Variants in MTREX observed in about 807,000 individuals in gnomAD.
MTREX encodes the protein Mtr4 exosome RNA helicase.
Under a neutral mutation model 135.4 loss-of-function variants are expected in MTREX, and 76 were observed. The ratio of observed to expected loss-of-function variants is 0.56; its 90% confidence interval spans 0.47 to 0.68. The LOEUF is 0.68. MTREX is among the 30% of genes least tolerant of loss of function. The pLI is 0.00. For synonymous variants in MTREX, 404 were observed against 401.6 expected, an observed-to-expected ratio of 1.01 and a Z score of -0.07; for missense variants, 920 against 1,262.1, an observed-to-expected ratio of 0.73 and a Z score of 4.11.
At chr5:55,408,682 G>A (rs1750842163) in intron 22 of MTREX, among the ~76,000 whole-genome samples, 2 of 152,006 alleles carry the variant, frequency 1.3e-5, no homozygotes, top group African/African-American at 2.4e-5. Context: ...CATCATCTTT[G>A]TAGTGTTTCT....
At chr5:55,382,180 A>C (rs528716406) in intron 18 of MTREX, among the ~76,000 whole-genome samples, 1 of 152,100 alleles carries the variant, frequency 6.6e-6, no homozygotes, top group South Asian at 2.1e-4. Flanking sequence ...TTGGATTTGC[A>C]GCTGCCATTT....
chr5:55,353,268 G>T lies in MTREX; in HGVS notation c.1532G>T (p.Trp511Leu). The T allele has an allele frequency of 6.3e-7, 1 of 1,592,024 alleles. No individual in the cohort carries two copies. Among genetic ancestry groups the T allele is most frequent in the South Asian group, 1.1e-5 (1 of 89,496 alleles). The change falls in exon 14 of 27, where the codon TGG becomes TTG. Residue 511 changes from tryptophan to leucine, a missense_variant and splice_region_variant. Physicochemically the swap from Trp to Leu is moderately conservative, Grantham distance 61. Around this residue, in one of 6 missense-constraint regions of MTREX, gnomAD observed 46 missense variants for 116.8 expected, o/e 0.39. Transcript: ENST00000230640. ...ARKFDGKDFR[W>L]ISSGEYIQMS... ...AAATTTGATGGGAAGGATTTCCGAT[G>T]GGTAAGTAAAGCAATTCATATATCA... is the stretch of plus-strand genomic sequence containing the variant.
intron 22 of MTREX, among the ~76,000 whole-genome samples, chr5:55,409,172 G>C (rs1750850579): frequency 6.6e-6 from 1 of 151,890 alleles, no homozygotes; most frequent in South Asian, 2.1e-4. Flanking sequence ...GGCTAGTCTT[G>C]AACTCCTGGG....
chr5:55,340,452 A>G (rs138076925), intron 6 of MTREX, among the ~76,000 whole-genome samples: 58 of 152,282 alleles, frequency 3.8e-4, no homozygotes, highest in African/African-American at 1.3e-3. Context: ...TGACATGAAA[A>G]TATTTTACTG....
chr5:55,327,569 T>C, intron 3 of MTREX, 147 bp from the exon 4 acceptor site: 1 of 597,566 alleles, frequency 1.7e-6, no homozygotes, highest in Non-Finnish European at 2.9e-6. Context: ...AAGACAGTTA[T>C]TTGATTTACA....
At chr5:55,352,984 A>G (rs891330889) in intron 13 of MTREX, among the ~76,000 whole-genome samples, 184 bp from the exon 14 acceptor site, 1 of 152,234 alleles carries the variant, frequency 6.6e-6, no homozygotes, top group African/African-American at 2.4e-5. Flanking sequence ...TACGAGAGAC[A>G]TTAAATGTTA....
intron 5 of MTREX, among the ~76,000 whole-genome samples, chr5:55,339,584 G>A (rs995478004): frequency 9.9e-5 from 15 of 152,126 alleles, no homozygotes; most frequent in African/African-American, 3.1e-4. Context: ...TGTTACATGT[G>A]GGAAAAGAAT....
chr5:55,420,225 A>T (rs1317802637), intron 25 of MTREX, among the ~76,000 whole-genome samples: 1 of 152,200 alleles, frequency 6.6e-6, no homozygotes, highest in African/African-American at 2.4e-5. Flanking sequence ...GGATAGGAGT[A>T]TTAAATTCGG....
At chr5:55,422,500 C>T (rs1751070409) in intron 25 of MTREX, among the ~76,000 whole-genome samples, 1 of 152,198 alleles carries the variant, frequency 6.6e-6, no homozygotes, top group Non-Finnish European at 1.5e-5. Context: ...GTTTGCCAGG[C>T]TTTTCTGCAT....
chr5:55,320,548 G>T (rs754768815), intron 1 of MTREX, among the ~76,000 whole-genome samples: 4 of 152,142 alleles, frequency 2.6e-5, no homozygotes, highest in Non-Finnish European at 2.9e-5. Context: ...ATAAAGAAAA[G>T]TGTGCAGATT....
At position 55,381,828 on chromosome 5, in the gene MTREX, A is replaced by G. The variant is rs115143952; in HGVS notation, c.2052+2633A>G. ...ACCATTCTGTCTGGTTGGTCTATCT[A>G]TTATTGAAAGTGGAGTATTGAAGTC... On this transcript the variant is annotated intron_variant, in intron 18 of 26. Coordinates refer to ENST00000230640, the MANE Select transcript of MTREX (RefSeq NM_015360.5). 3.6e-3 allele frequency among the ~76,000 whole-genome samples: 555 copies of G among 152,276 alleles called. 2 individuals are homozygous for G. Among genetic ancestry groups the G allele is most frequent in the African/African-American group, 0.012 (510 of 41,556 alleles).
intron 25 of MTREX, among the ~76,000 whole-genome samples, chr5:55,420,130 C>T (rs1213011677): frequency 6.6e-6 from 1 of 152,188 alleles, no homozygotes; most frequent in African/African-American, 2.4e-5. Flanking sequence ...ATAGTCTCTG[C>T]TCTCAAGAAA....
At chr5:55,318,945 A>G (rs2112027072) in intron 1 of MTREX, among the ~76,000 whole-genome samples, 1 of 152,312 alleles carries the variant, frequency 6.6e-6, no homozygotes, top group Admixed American at 6.5e-5. Context: ...TAGAGAAAAT[A>G]TATAAGAATG....
Position 55,425,136 on chromosome 5 carries a change from T to A in MTREX, c.*364T>A. On this transcript the variant is annotated 3_prime_UTR_variant, in exon 27 of 27. Coordinates refer to ENST00000230640, the MANE Select transcript of MTREX (RefSeq NM_015360.5). ...CTTGTACACCAGGAAGAAAGATGCATCCTCTTGCCTTGTGGCAATCATTTT... is the reference window on the plus strand; with the variant it reads ...CTTGTACACCAGGAAGAAAGATGCAACCTCTTGCCTTGTGGCAATCATTTT... 6.5e-7 allele frequency: 1 copy of A among 1,530,518 alleles called. No individual in the cohort carries two copies. The highest frequency in any genetic ancestry group is 8.8e-7 in the Non-Finnish European group (1 of 1,133,476). 94.8% of individuals were successfully genotyped at this position (1,530,518 alleles called of 1,614,324 possible). A position where few individuals can be genotyped will look rare whatever the true frequency, so the allele number is the denominator to read the frequency against.
At chr5:55,319,648 A>C (rs1749255421) in intron 1 of MTREX, among the ~76,000 whole-genome samples, 1 of 152,250 alleles carries the variant, frequency 6.6e-6, no homozygotes, top group Non-Finnish European at 1.5e-5. Context: ...ATCCTTAAAA[A>C]GTAAGCTGGT....
At chr5:55,416,275 T>A (rs1750964440) in intron 25 of MTREX, 143 bp downstream of exon 25, 4 of 531,250 alleles carry the variant, frequency 7.5e-6, no homozygotes, top group Admixed American at 8.4e-5. Flanking sequence ...GATTAAAAAA[T>A]ATTCTCCACA....
chr5:55,373,919 T>C (rs958581507), intron 16 of MTREX, among the ~76,000 whole-genome samples: 3 of 152,014 alleles, frequency 2.0e-5, no homozygotes, highest in Non-Finnish European at 2.9e-5. Context: ...CCCTCACATA[T>C]TGAGTCACAG....
At chr5:55,403,219 CAAAA>C (rs576509416) in intron 21 of MTREX, among the ~76,000 whole-genome samples, 3 of 150,134 alleles carry the variant, frequency 2.0e-5, no homozygotes, top group East Asian at 1.9e-4. Context: ...AAAACAAAAA[CAAAA>C]AAAAAGTGTA....
Position 55,353,168 on chromosome 5 carries a change from G to T in MTREX, c.1432G>T (p.Ala478Ser). The T allele has an allele frequency of 6.3e-7, 1 of 1,580,888 alleles. No homozygotes were observed. The highest frequency in any genetic ancestry group is 1.2e-5 in the South Asian group (1 of 85,154). Residue 478 changes from alanine (A) to serine (S), a missense_variant and splice_region_variant, in exon 14 of 27, where the codon GCC becomes TCC. This residue lies in a region of MTREX where 46 missense variants were observed against 116.8 expected (regional missense o/e 0.39). Transcript: ENST00000230640. ...EILFSEGLIK[A>S]LFATETFAMG... ...ATTATAGAATTACTTATTTACTTAG[G>T]CCTTATTTGCCACGGAGACCTTTGC...
Sources: gnomAD v4.1 joint callset for allele counts (sites outside exome capture counted in the v4.1 genomes callset) on GRCh38, gnomAD v4.1.1 for gene constraint, gnomAD v4.1.1 regional missense constraint, MANE v1.5 for transcripts, NCBI Gene and HGNC (gene_info 2026-07-23, HGNC 2026-07-21) for gene names.